The following LRRTM4 variants were observed in gnomAD, a reference collection of about 807,000 sequenced individuals.
The protein encoded by LRRTM4 is leucine-rich repeat transmembrane neuronal protein 4.
Under a neutral mutation model 47.6 loss-of-function variants are expected in LRRTM4, and 25 were observed. That is an observed-to-expected ratio of 0.53 (90% CI 0.38 to 0.73). The LOEUF (loss-of-function observed/expected upper bound fraction) is 0.73. Among genes scored for constraint, LRRTM4 ranks in the 30% least tolerant of loss-of-function variants. LRRTM4 has a pLI of 0.00. For synonymous variants in LRRTM4, 311 were observed against 269.5 expected (o/e 1.15, Z -1.51); for missense variants, 638 against 713.4 (o/e 0.89, Z 1.20).
At chr2:77,139,061 C>T (rs548914460) in intron 3 of LRRTM4, among the ~76,000 whole-genome samples, 1 of 152,106 alleles carries the variant, frequency 6.6e-6, no homozygotes, top group South Asian at 2.1e-4. Flanking sequence ...GGAGCTGGTA[C>T]CATTTCTTCT....
chr2:77,403,071 A>G (rs1284884919), intron 3 of LRRTM4, among the ~76,000 whole-genome samples: 7 of 151,976 alleles, frequency 4.6e-5, no homozygotes, highest in Non-Finnish European at 1.0e-4. Flanking sequence ...TGAACCATAA[A>G]AATTCTTCTG....
chr2:77,466,526 T>C (rs1419212815), intron 3 of LRRTM4, among the ~76,000 whole-genome samples: 1 of 152,168 alleles, frequency 6.6e-6, no homozygotes, highest in African/African-American at 2.4e-5. Flanking sequence ...GAGACATCTA[T>C]TTTATATTAT....
At chr2:76,790,706 C>T (rs564021721) in intron 3 of LRRTM4, among the ~76,000 whole-genome samples, 2 of 151,862 alleles carry the variant, frequency 1.3e-5, no homozygotes, top group Admixed American at 6.6e-5. Flanking sequence ...TAGACCCCCC[C>T]CCACCACCTC....
At chr2:77,058,189 T>C (rs1573511786) in intron 3 of LRRTM4, among the ~76,000 whole-genome samples, 1 of 152,224 alleles carries the variant, frequency 6.6e-6, no homozygotes, top group East Asian at 1.9e-4. Flanking sequence ...AGGTTGCTCA[T>C]ATTTGATGTC....
chr2:77,507,106 T>A (rs1922812), intron 3 of LRRTM4, among the ~76,000 whole-genome samples: 56,188 of 151,778 alleles, frequency 0.37, 10,576 homozygotes, highest in Admixed American at 0.43. Context: ...AATATTTTCT[T>A]AAAAAGCATT....
chr2:76,842,799 A>G (rs1344364677), intron 3 of LRRTM4, among the ~76,000 whole-genome samples: 2 of 152,156 alleles, frequency 1.3e-5, no homozygotes, highest in African/African-American at 4.8e-5. Context: ...ATAGGTATAC[A>G]TGTGCCATAG....
intron 3 of LRRTM4, among the ~76,000 whole-genome samples, chr2:77,312,308 A>G (rs2104200418): frequency 6.6e-6 from 1 of 152,246 alleles, no homozygotes; most frequent in East Asian, 1.9e-4. Context: ...CCTCTTTTGG[A>G]CTGTGATTGT....
chr2:76,778,467 C>G (rs1015613666), intron 3 of LRRTM4, among the ~76,000 whole-genome samples: 1 of 148,056 alleles, frequency 6.8e-6, no homozygotes, highest in Non-Finnish European at 1.5e-5. Flanking sequence ...AGAGATTCAA[C>G]TTCTTCCTGG....
At chr2:77,444,932 T>TTCACAC (rs1675989049) in intron 3 of LRRTM4, among the ~76,000 whole-genome samples, 1 of 122,010 alleles carries the variant, frequency 8.2e-6, no homozygotes, top group Non-Finnish European at 1.7e-5. Context: ...TCCTTTATTT[T>TTCACAC]ACACACACAC....
At chr2:77,139,447 T>C (rs933808260) in intron 3 of LRRTM4, among the ~76,000 whole-genome samples, 1 of 152,078 alleles carries the variant, frequency 6.6e-6, no homozygotes, top group African/African-American at 2.4e-5. Context: ...AAACTCTCAA[T>C]AAATTAGGTA....
At chr2:77,043,391 G>T (rs897687350) in intron 3 of LRRTM4, among the ~76,000 whole-genome samples, 14 of 151,816 alleles carry the variant, frequency 9.2e-5, no homozygotes, top group Middle Eastern at 3.4e-3. Flanking sequence ...CAACAGTATT[G>T]TCCTCCAACT....
chr2:77,103,205 A>C (rs577935853), intron 3 of LRRTM4, among the ~76,000 whole-genome samples: 1 of 152,306 alleles, frequency 6.6e-6, no homozygotes, highest in Admixed American at 6.5e-5. Context: ...CACTGCCATA[A>C]GAAGCTGCTA....
chr2:76,905,972 T>A (rs1163180495), intron 3 of LRRTM4, among the ~76,000 whole-genome samples: 2 of 151,966 alleles, frequency 1.3e-5, no homozygotes, highest in Non-Finnish European at 2.9e-5. Context: ...CAGGCCAACA[T>A]TCAGATTCAG....
intron 3 of LRRTM4, among the ~76,000 whole-genome samples, chr2:77,020,798 C>T (rs966971571): frequency 7.2e-5 from 11 of 152,256 alleles, no homozygotes; most frequent in South Asian, 2.1e-4. Context: ...TCAACAACAA[C>T]GAAGATGCTG....
chr2:77,067,076 T>C (rs986090730), intron 3 of LRRTM4, among the ~76,000 whole-genome samples: 5 of 152,214 alleles, frequency 3.3e-5, no homozygotes, highest in Admixed American at 1.3e-4. Context: ...TCCCAGTTAA[T>C]AGAACTGGAG....
chr2:76,879,201 A>G (rs2104097857), intron 3 of LRRTM4, among the ~76,000 whole-genome samples: 1 of 152,352 alleles, frequency 6.6e-6, no homozygotes, highest in Middle Eastern at 3.4e-3. Context: ...TTCAGTGTAG[A>G]TGACACAGTC....
At chr2:77,166,289 T>A (rs12713896) in intron 3 of LRRTM4, among the ~76,000 whole-genome samples, 74,445 of 151,816 alleles carry the variant, frequency 0.49, 19,381 homozygotes, top group Admixed American at 0.59. Context: ...TGAAAACCAC[T>A]GCTCAATGAA....
intron 3 of LRRTM4, among the ~76,000 whole-genome samples, chr2:77,168,922 A>T (rs1172135706): frequency 6.6e-6 from 1 of 152,178 alleles, no homozygotes; most frequent in East Asian, 1.9e-4. Flanking sequence ...GGATGGTTTA[A>T]CATATGCAAG....
chr2:77,178,294 A>G (rs549941946), intron 3 of LRRTM4, among the ~76,000 whole-genome samples: 2 of 152,308 alleles, frequency 1.3e-5, no homozygotes, highest in South Asian at 4.1e-4. Flanking sequence ...TATACATTTA[A>G]AACTTTATTT....
Sources: gnomAD v4.1 joint callset for allele counts (sites outside exome capture counted in the v4.1 genomes callset) on GRCh38, gnomAD v4.1.1 for gene constraint, MANE v1.5 for transcripts, NCBI Gene and HGNC (gene_info 2026-07-23, HGNC 2026-07-21) for gene names.